PACS1: variants seen among roughly 807,000 people sequenced by gnomAD.
PACS1 encodes PACS-1.
Under a neutral mutation model 115.0 loss-of-function variants are expected in PACS1, and 24 were observed. The observed-to-expected ratio is 0.21, with a 90% CI of 0.15 to 0.29. The LOEUF is 0.29. Among genes scored for constraint, PACS1 ranks in the 10% least tolerant of loss-of-function variants. PACS1 has a pLI of 1.00. For missense variants in PACS1, 838 were observed against 1,251.2 expected, an observed-to-expected ratio of 0.67 and a Z score of 4.98; for synonymous variants, 453 against 504.5, an observed-to-expected ratio of 0.90 and a Z score of 1.37.
chr11:66,140,720 T>C (rs879721708), intron 1 of PACS1, among the ~76,000 whole-genome samples: 1 of 152,190 alleles, frequency 6.6e-6, no homozygotes, highest in Admixed American at 6.5e-5. Flanking sequence ...TAGTTTCTTG[T>C]GCATCTTTCC....
intron 1 of PACS1, among the ~76,000 whole-genome samples, chr11:66,091,970 T>G (rs888920358): frequency 6.6e-6 from 1 of 152,124 alleles, no homozygotes; most frequent in Non-Finnish European, 1.5e-5. Context: ...TGAATAGTGC[T>G]GCAATAAACA....
chr11:66,176,672 C>G (rs964835098), intron 1 of PACS1, among the ~76,000 whole-genome samples: 1 of 152,154 alleles, frequency 6.6e-6, no homozygotes, highest in Admixed American at 6.5e-5. Flanking sequence ...CCTCCGCCTC[C>G]CAAAATGCTG....
At position 66,220,669 on chromosome 11, in the gene PACS1, C is replaced by T. The variant is rs1439044197; in HGVS notation, c.1077C>T (p.Ile359=). 6.2e-7 allele frequency: 1 copy of T among 1,614,020 alleles called. No individual in the cohort carries two copies. The highest frequency in any genetic ancestry group is 1.3e-5 in the African/African-American group (1 of 74,904). The part of the protein sequence containing the change: ...FGLEHVSREQ[I]REVEEDLDEL... ...TGGAGCATGTGTCCCGCGAGCAGAT[C>T]CGGGAAGTGGAAGAGGACTTGGATG... The change falls in exon 9 of 24, where the codon ATC becomes ATT. Residue 359 remains isoleucine, a synonymous_variant. Transcript: ENST00000320580.
chr11:66,233,766 C>CGTGGGCAGT lies in PACS1; in HGVS notation c.1839-18_1839-17insTGGGCAGTG, dbSNP rs766848354. On this transcript the variant is annotated intron_variant, in intron 15 of 23. Transcript: ENST00000320580. The surrounding 1 kb of genome is among the most constrained non-coding windows in gnomAD (Gnocchi z 4.5). ...CTGGCACCCCTGAGCACTGCTATGA[C>CGTGGGCAGT]GCTCCCCTTCCTCCCCAGCTGCAAC... 2.5e-6 allele frequency: 4 copies of CGTGGGCAGT among 1,609,622 alleles called. No individual in the cohort carries two copies. The Admixed American group carries it at 6.7e-5, about 27-fold the overall frequency.
chr11:66,072,995 G>A (rs573209943), intron 1 of PACS1, among the ~76,000 whole-genome samples: 2 of 152,346 alleles, frequency 1.3e-5, no homozygotes, highest in Admixed American at 1.3e-4. Flanking sequence ...CTGATCAAAT[G>A]TATAATTATT....
chr11:66,216,905 G>C, intron 7 of PACS1, 130 bp downstream of exon 7: 1 of 644,076 alleles, frequency 1.6e-6, no homozygotes, highest in Non-Finnish European at 2.8e-6. Flanking sequence ...CGATTCCAAT[G>C]AACGCTCTAT....
intron 19 of PACS1, chr11:66,238,403 C>T: frequency 1.1e-6 from 1 of 922,240 alleles, no homozygotes; most frequent in South Asian, 3.9e-5. Context: ...CATGCCCCAT[C>T]TCATTGTTGC....
Position 66,241,664 on chromosome 11 carries a change from C to A in PACS1, c.2656+11C>A. 6.2e-7 allele frequency: 1 copy of A among 1,604,188 alleles called. No individual in the cohort carries two copies. Among genetic ancestry groups the A allele is most frequent in the Admixed American group, 1.7e-5 (1 of 59,836 alleles). On this transcript the variant is annotated intron_variant, in intron 22 of 23. Transcript: ENST00000320580. ...AAAAGAACAAGAAAGGTAAGTACCC[C>A]CAAGGCCGGGGAAGACCATGGGCCA... is the stretch of plus-strand genomic sequence containing the variant.
At chr11:66,139,692 T>C (rs1376758056) in intron 1 of PACS1, among the ~76,000 whole-genome samples, 1 of 152,216 alleles carries the variant, frequency 6.6e-6, no homozygotes, top group East Asian at 1.9e-4. Context: ...TCACATTCTT[T>C]TTTGTGGCCA....
At chr11:66,179,832 T>C (rs1859958780) in intron 1 of PACS1, among the ~76,000 whole-genome samples, 1 of 152,168 alleles carries the variant, frequency 6.6e-6, no homozygotes, top group Non-Finnish European at 1.5e-5. Flanking sequence ...TTCCTTTTGC[T>C]CTCATTGTTT....
At chr11:66,205,876 G>T (rs1188858859) in intron 2 of PACS1, among the ~76,000 whole-genome samples, 1 of 152,102 alleles carries the variant, frequency 6.6e-6, no homozygotes, top group Non-Finnish European at 1.5e-5. Context: ...GGCCGGTCAC[G>T]GTGGTTCATG....
chr11:66,072,637 G>A (rs1002150234), intron 1 of PACS1, among the ~76,000 whole-genome samples: 1 of 152,152 alleles, frequency 6.6e-6, no homozygotes, highest in Admixed American at 6.5e-5. Context: ...GTATGTGATG[G>A]TGTTCCTCTC....
At chr11:66,136,384 G>A (rs1007950296) in intron 1 of PACS1, among the ~76,000 whole-genome samples, 1 of 150,692 alleles carries the variant, frequency 6.6e-6, no homozygotes, top group African/African-American at 2.5e-5. Context: ...AAATATTCCT[G>A]AGTGCAGGAG....
intron 1 of PACS1, among the ~76,000 whole-genome samples, chr11:66,138,156 A>C (rs181205327): frequency 2.8e-4 from 42 of 152,096 alleles, no homozygotes; most frequent in Admixed American, 7.2e-4. Context: ...CAGTGGCCTG[A>C]TCATGGCTCA....
chr11:66,104,259 G>A (rs770990367), intron 1 of PACS1, among the ~76,000 whole-genome samples: 1 of 152,100 alleles, frequency 6.6e-6, no homozygotes, highest in African/African-American at 2.4e-5. Flanking sequence ...GGCATTGGGC[G>A]GAAAGGAAAT....
intron 1 of PACS1, among the ~76,000 whole-genome samples, chr11:66,188,402 CAT>C (rs1854437289): frequency 6.6e-6 from 1 of 152,186 alleles, no homozygotes; most frequent in East Asian, 1.9e-4. Context: ...AACACACACA[CAT>C]ATATGTAAAA....
At chr11:66,222,392 G>A (rs900134769) in intron 10 of PACS1, among the ~76,000 whole-genome samples, 1 of 152,132 alleles carries the variant, frequency 6.6e-6, no homozygotes, top group African/African-American at 2.4e-5. Flanking sequence ...ATGTACTGTA[G>A]CAGCCGGAGC....
chr11:66,073,419 T>A (rs1857343834), intron 1 of PACS1, among the ~76,000 whole-genome samples: 1 of 152,216 alleles, frequency 6.6e-6, no homozygotes, highest in African/African-American at 2.4e-5. Flanking sequence ...TGATTGTGGA[T>A]CTAAGGTTAG....
At chr11:66,205,643 A>T (rs1441587803) in intron 2 of PACS1, among the ~76,000 whole-genome samples, 1 of 151,060 alleles carries the variant, frequency 6.6e-6, no homozygotes, top group African/African-American at 2.5e-5. Context: ...CTCAAATATC[A>T]CTACAATACT....
Sources: allele counts gnomAD v4.1 joint callset (sites outside exome capture counted in the v4.1 genomes callset), GRCh38; gene constraint gnomAD v4.1.1; non-coding constraint Gnocchi (gnomAD v3.1); transcripts MANE v1.5; gene names NCBI Gene and HGNC (gene_info 2026-07-23, HGNC 2026-07-21).